Variants in METTL22 observed in about 807,000 individuals in gnomAD.
METTL22 encodes the protein methyltransferase 22, Kin17 lysine.
In METTL22, 51 loss-of-function variants were observed where a neutral mutation model predicts 48.4. The observed-to-expected ratio is 1.05, with a 90% CI of 0.84 to 1.33. The LOEUF (loss-of-function observed/expected upper bound fraction) is 1.33. Among genes scored for constraint, METTL22 ranks in the 40% most tolerant of loss-of-function variants. The pLI is 0.00. For synonymous variants in METTL22, 255 were observed against 214.1 expected, an observed-to-expected ratio of 1.19 and a Z score of -1.67; for missense variants, 678 against 526.9, an observed-to-expected ratio of 1.29 and a Z score of -2.81.
At chr16:8,626,980 A>C (rs2056084046) in intron 2 of METTL22, among the ~76,000 whole-genome samples, 1 of 150,920 alleles carries the variant, frequency 6.6e-6, no homozygotes, top group Admixed American at 6.6e-5. Context: ...TGTTAACCAG[A>C]ATGGTCTTGA....
In METTL22 at chr16:8,625,587, C is replaced by T. The variant is rs2056018040; in HGVS notation, c.-79C>T. The T allele has an allele frequency of 6.6e-7, 1 of 1,504,616 alleles. No individual in the cohort carries two copies. The highest frequency in any genetic ancestry group is 9.1e-7 in the Non-Finnish European group (1 of 1,097,542). 93.2% of individuals were successfully genotyped at this position (1,504,616 alleles called of 1,614,324 possible). On this transcript the variant is annotated 5_prime_UTR_variant, in exon 2 of 11. Coordinates refer to ENST00000381920, the MANE Select transcript of METTL22 (RefSeq NM_024109.4). ...CAGCTTGGACCTGTCTGCAGTATCT[C>T]CTCTGGGACCTGCCATGCTGAGGAC... is the stretch of plus-strand genomic sequence containing the variant.
At chr16:8,622,590 C>G (rs1014653076) in intron 1 of METTL22, among the ~76,000 whole-genome samples, 7 of 152,214 alleles carry the variant, frequency 4.6e-5, no homozygotes, top group Non-Finnish European at 1.0e-4. Context: ...ACTAGAGAAA[C>G]TGTTACCTTT....
downstream of METTL22, among the ~76,000 whole-genome samples, chr16:8,654,560 T>C (rs2056938591): frequency 6.6e-6 from 1 of 152,222 alleles, no homozygotes; most frequent in South Asian, 2.1e-4. Context: ...CACGCATGCA[T>C]ACACACACAG....
intron 5 of METTL22, among the ~76,000 whole-genome samples, chr16:8,635,757 T>G (rs1021097580): frequency 2.6e-5 from 4 of 152,230 alleles, no homozygotes; most frequent in African/African-American, 9.6e-5. Context: ...ATCCCTAGAT[T>G]GAATCAACAA....
chr16:8,665,656 C>A, the METTL22 span, among the ~76,000 whole-genome samples: 1 of 152,202 alleles, frequency 6.6e-6, no homozygotes, highest in Admixed American at 6.5e-5. Context: ...CTACTCTGGG[C>A]TCTAATTTGC....
intron 1 of METTL22, 109 bp from the exon 2 acceptor site, chr16:8,625,387 C>G (rs2056011722): frequency 4.2e-6 from 1 of 237,366 alleles, no homozygotes; most frequent in Non-Finnish European, 8.0e-6. Context: ...ATATCCCTTT[C>G]TATAAATAAA....
In METTL22 at chr16:8,642,187, C is replaced by T. The variant is rs756842468; in HGVS notation, c.887C>T (p.Thr296Ile). 1 of 1,613,410 alleles carries T rather than the reference C, an allele frequency of 6.2e-7. No individual in the cohort carries two copies. Among genetic ancestry groups the T allele is most frequent in the African/African-American group, 1.3e-5 (1 of 74,932 alleles). The change falls in exon 8 of 11, where the codon ACC becomes ATC. Residue 296 changes from threonine (T) to isoleucine (I), a missense_variant. Thr to Ile is a moderately conservative substitution (Grantham distance 89, BLOSUM62 -1). Transcript: ENST00000381920. ...ATTTCTGACTTGTACGATCACACCA[C>T]CATCCTGTTTGCAGCCGAAGGTAAG... ...EEISDLYDHT[T>I]ILFAAEVFYD... is the part of the protein sequence containing the mutation.
chr16:8,641,037 G>T, intron 6 of METTL22, 94 bp from the exon 7 acceptor site: 1 of 1,187,684 alleles, frequency 8.4e-7, no homozygotes, highest in Non-Finnish European at 1.2e-6. Flanking sequence ...TGGGTGGGTG[G>T]ATAGATGGAT....
At chr16:8,623,174 C>G (rs890689936) in intron 1 of METTL22, among the ~76,000 whole-genome samples, 2 of 151,880 alleles carry the variant, frequency 1.3e-5, no homozygotes, top group African/African-American at 4.8e-5. Context: ...ATTAGGTGGA[C>G]ATTGTGGTGC....
intron 6 of METTL22, 142 bp from the exon 7 acceptor site, chr16:8,640,989 G>A (rs1206768957): frequency 5.8e-6 from 4 of 685,958 alleles, no homozygotes; most frequent in African/African-American, 3.6e-5. Context: ...TGGCTGTAAA[G>A]ATGGAAGGGC....
rs1730982 is a variant in METTL22 at position 8,649,158 on chromosome 16, G to A, written c.*3015G>A. The A allele has an allele frequency of 0.11, 16,231 of 152,248 alleles. 937 individuals carry two copies. The highest frequency in any genetic ancestry group is 0.14 in the Middle Eastern group (41 of 294). 9.4% of individuals were successfully genotyped at this position (152,248 alleles called of 1,614,324 possible). A position where few individuals can be genotyped will look rare whatever the true frequency, so the allele number is the denominator to read the frequency against. ...AGAGTTGTCACAGCTTTCACCTGCC[G>A]CATTAGGGCAAACTGCTTTTATGTC... On this transcript the variant is annotated 3_prime_UTR_variant, in exon 11 of 11. Coordinates refer to ENST00000381920, the MANE Select transcript of METTL22 (RefSeq NM_024109.4).
rs760642097 is a variant in METTL22 at position 8,646,947 on chromosome 16, A to G, written c.*804A>G. Reference sequence around the variant, plus strand: ...TCTCCACCCCTTCCTGTCATCCTCTATGTCCCACTGTCTCTCTCCTTCTCT... The same window carrying G: ...TCTCCACCCCTTCCTGTCATCCTCTGTGTCCCACTGTCTCTCTCCTTCTCT... On this transcript the variant is annotated 3_prime_UTR_variant, in exon 11 of 11. Transcript: ENST00000381920. 4.6e-5 allele frequency: 16 copies of G among 344,570 alleles called. No homozygotes were observed. Among genetic ancestry groups the G allele is most frequent in the Non-Finnish European group, 9.1e-5 (16 of 175,190 alleles). The allele number at this position is 344,570 out of a possible 1,614,324, so 21.3% of individuals were successfully genotyped here.
Position 8,639,335 on chromosome 16 carries a change from G to A in METTL22, c.772+173G>A, listed in dbSNP as rs115347382. 17 of 633,158 alleles carry A rather than the reference G, an allele frequency of 2.7e-5. No individual in the cohort carries two copies. In the Admixed American group the frequency reaches 3.3e-4, roughly 12 times the overall value. The allele number at this position is 633,158 out of a possible 1,614,324, so 39.2% of individuals were successfully genotyped here. ...CACAGAGCTTCAGAGCATTGAGGAC[G>A]CTCCTTGGGTCACCTCCTCATTCCC... On this transcript the variant is annotated intron_variant, in intron 6 of 10. Transcript: ENST00000381920.
chr16:8,622,725 C>T (rs1276232231), intron 1 of METTL22, among the ~76,000 whole-genome samples: 3 of 152,146 alleles, frequency 2.0e-5, no homozygotes, highest in Non-Finnish European at 4.4e-5. Flanking sequence ...GTCTCATATA[C>T]TCCTCTGAGT....
downstream of METTL22, among the ~76,000 whole-genome samples, chr16:8,652,743 C>T (rs1310038109): frequency 6.6e-6 from 1 of 152,056 alleles, no homozygotes; most frequent in Non-Finnish European, 1.5e-5. Context: ...GGTGGCCATA[C>T]CTTGGCCCTA....
chr16:8,635,892 T>C (rs1485599216), intron 5 of METTL22, among the ~76,000 whole-genome samples: 3 of 152,232 alleles, frequency 2.0e-5, no homozygotes, highest in Non-Finnish European at 4.4e-5. Context: ...CTCCAAATGA[T>C]AGCTGAAATC....
intron 3 of METTL22, among the ~76,000 whole-genome samples, chr16:8,632,713 G>A (rs887171599): frequency 1.3e-5 from 2 of 152,208 alleles, no homozygotes; most frequent in Non-Finnish European, 2.9e-5. Flanking sequence ...AATGAGGGAT[G>A]AGGCTACTTC....
At chr16:8,650,961 C>CA (rs1464039648), downstream of METTL22, among the ~76,000 whole-genome samples, 12 of 152,058 alleles carry the variant, frequency 7.9e-5, no homozygotes, top group African/African-American at 2.9e-4. Flanking sequence ...GTGGAGTTTG[C>CA]AGTGAGCTAA....
At chr16:8,643,635 CAG>C (rs1167974783) in intron 9 of METTL22, among the ~76,000 whole-genome samples, 7 of 152,044 alleles carry the variant, frequency 4.6e-5, no homozygotes, top group Admixed American at 3.3e-4. Context: ...TTTTTTGAGG[CAG>C]AGTCTTGCCC....
Sources: gnomAD v4.1 joint callset for allele counts (sites outside exome capture counted in the v4.1 genomes callset) on GRCh38, gnomAD v4.1.1 for gene constraint, MANE v1.5 for transcripts, NCBI Gene and HGNC (gene_info 2026-07-23, HGNC 2026-07-21) for gene names.